DCP2: variants seen among roughly 807,000 people sequenced by gnomAD.
The protein encoded by DCP2 is m7GpppN-mRNA hydrolase.
In DCP2, 30 loss-of-function variants were observed where a neutral mutation model predicts 56.1. That is an observed-to-expected ratio of 0.53 (90% CI 0.40 to 0.73). The LOEUF is 0.73. Ranked by LOEUF, DCP2 falls within the 30% of genes least tolerant of loss-of-function variation. The probability of loss-of-function intolerance (pLI) is 0.00; values close to 1 mark genes in which losing one functional copy is unlikely to be tolerated. For synonymous variants in DCP2, 197 were observed against 163.3 expected (o/e 1.21, Z -1.57); for missense variants, 533 against 502.7 (o/e 1.06, Z -0.58).
chr5:113,001,519 T>C (rs1749178386), intron 6 of DCP2, 48 bp from the exon 7 acceptor site: 1 of 1,607,776 alleles, frequency 6.2e-7, no homozygotes, highest in African/African-American at 1.3e-5. Flanking sequence ...GATAGTCATC[T>C]TCTGTCTGTA....
intron 2 of DCP2, among the ~76,000 whole-genome samples, chr5:112,989,060 C>G (rs1352719362): frequency 6.6e-6 from 1 of 152,076 alleles, no homozygotes; most frequent in Non-Finnish European, 1.5e-5. Flanking sequence ...TTACTCTGTG[C>G]CAGGCCTTAT....
At position 113,016,314 on chromosome 5, in the gene DCP2, T is replaced by C. The variant is rs889648261; in HGVS notation, c.*2830T>C. On this transcript the variant is annotated 3_prime_UTR_variant, in exon 11 of 11. Transcript: ENST00000389063. ...AGGCCTGAGAACCTAATAGAACTCATATAGTGTGAGTGAAATTTGATTAAA... is the reference window on the plus strand; with the variant it reads ...AGGCCTGAGAACCTAATAGAACTCACATAGTGTGAGTGAAATTTGATTAAA... 2 of 152,630 alleles carry C rather than the reference T, an allele frequency of 1.3e-5. No homozygotes were observed. Among genetic ancestry groups the C allele is most frequent in the African/African-American group, 2.4e-5 (1 of 41,450 alleles). The allele number at this position is 152,630 out of a possible 1,614,324, so 9.5% of individuals were successfully genotyped here.
chr5:112,988,799 G>A (rs13169743), intron 2 of DCP2, among the ~76,000 whole-genome samples: 148,977 of 152,346 alleles, frequency 0.98, 72,847 homozygotes, highest in East Asian at 1. Context: ...TTAAGGAAAC[G>A]TAACTAAGAT....
chr5:113,015,014 C>A lies in DCP2; in HGVS notation c.*1530C>A, dbSNP rs1239095671. The A allele has an allele frequency of 1.3e-5, 2 of 152,572 alleles. No homozygotes were observed. The allele number at this position is 152,572 out of a possible 1,614,324, so 9.5% of individuals were successfully genotyped here. A position where few individuals can be genotyped will look rare whatever the true frequency, so the allele number is the denominator to read the frequency against. ...ATTCTATTTATTAATGAAAGTGTCA[C>A]CCTTTTGGTGCTAAGCAGGAGAATT... On this transcript the variant is annotated 3_prime_UTR_variant, in exon 11 of 11. Coordinates refer to ENST00000389063, the MANE Select transcript of DCP2 (RefSeq NM_152624.6).
At chr5:112,979,370 C>G (rs1009356708) in intron 1 of DCP2, among the ~76,000 whole-genome samples, 1 of 152,078 alleles carries the variant, frequency 6.6e-6, no homozygotes, top group Non-Finnish European at 1.5e-5. Flanking sequence ...GTTACAGATT[C>G]AAGCTTTTCA....
rs1302718712 is a variant in DCP2, at chr5:113,017,245, A to G, written c.*3761A>G. The G allele has an allele frequency of 1.3e-5, 2 of 152,172 alleles. No individual in the cohort carries two copies. The highest frequency in any genetic ancestry group is 2.9e-5 in the Non-Finnish European group (2 of 68,038). 9.4% of individuals were successfully genotyped at this position (152,172 alleles called of 1,614,324 possible). ...GTAATTTTGACTTGGATTATTTTCTAGCCTGGGGGATGGGGTTCATATGTG... is the reference window on the plus strand; with the variant it reads ...GTAATTTTGACTTGGATTATTTTCTGGCCTGGGGGATGGGGTTCATATGTG... On this transcript the variant is annotated 3_prime_UTR_variant, in exon 11 of 11. Coordinates refer to ENST00000389063, the MANE Select transcript of DCP2 (RefSeq NM_152624.6).
intron 1 of DCP2, chr5:112,984,016 G>A (rs1748131260): frequency 6.6e-6 from 1 of 152,178 alleles, no homozygotes; most frequent in South Asian, 2.1e-4. Flanking sequence ...AGTGAATTAA[G>A]GAGGATGAAA....
chr5:112,994,550 A>G (rs902652447), intron 4 of DCP2, among the ~76,000 whole-genome samples: 1 of 152,128 alleles, frequency 6.6e-6, no homozygotes, highest in Non-Finnish European at 1.5e-5. Flanking sequence ...CTGAACTTCA[A>G]TAGCAGTTAT....
chr5:112,985,650 G>C (rs563703700), intron 1 of DCP2, among the ~76,000 whole-genome samples, 185 bp from the exon 2 acceptor site: 2 of 152,010 alleles, frequency 1.3e-5, no homozygotes, highest in Non-Finnish European at 2.9e-5. Flanking sequence ...AGATACATGT[G>C]GTGTCTCCTC....
chr5:113,007,799 A>C, intron 8 of DCP2, 139 bp from the exon 9 acceptor site: 1 of 638,610 alleles, frequency 1.6e-6, no homozygotes, highest in Non-Finnish European at 2.7e-6. Flanking sequence ...ATACATTGAT[A>C]GGGTGATTAA....
chr5:113,010,766 A>G lies in DCP2; in HGVS notation c.1058A>G (p.Lys353Arg). 1.3e-6 allele frequency: 2 copies of G among 1,591,728 alleles called. No homozygotes were observed. The highest frequency in any genetic ancestry group is 1.2e-5 in the South Asian group (1 of 86,736). The change falls in exon 10 of 11, where the codon AAG becomes AGG. Residue 353 changes from lysine to arginine, a missense_variant. Transcript: ENST00000389063. ...KQQNSLMKCE[K>R]KLHPRKLQDN... ...TTTTTTTTTAAATAGAAGTGTGAAA[A>G]GAAACTTCATCCACGGAAACTTCAG...
intron 9 of DCP2, 177 bp downstream of exon 9, chr5:113,008,219 A>G: frequency 3.9e-6 from 2 of 512,434 alleles, no homozygotes; most frequent in East Asian, 5.8e-5. Context: ...GGCTGCTCTT[A>G]ATTACAAATG....
At chr5:112,999,540 C>G (rs1358483632) in intron 4 of DCP2, among the ~76,000 whole-genome samples, 1 of 151,658 alleles carries the variant, frequency 6.6e-6, no homozygotes. Context: ...GTTGGTCAGG[C>G]TGGTCTCTAA....
chr5:112,989,560 A>G (rs1364205712), intron 2 of DCP2, among the ~76,000 whole-genome samples: 3 of 152,226 alleles, frequency 2.0e-5, no homozygotes, highest in East Asian at 3.8e-4. Context: ...ATGATGCTAC[A>G]GAGTAATTCA....
At chr5:113,000,582 T>G (rs550115177) in intron 4 of DCP2, among the ~76,000 whole-genome samples, 1 of 152,182 alleles carries the variant, frequency 6.6e-6, no homozygotes, top group African/African-American at 2.4e-5. Flanking sequence ...TCAAAAACAT[T>G]ATTAAGCTCT....
chr5:113,010,842 T>C, intron 10 of DCP2, 35 bp downstream of exon 10: 1 of 1,580,272 alleles, frequency 6.3e-7, no homozygotes, highest in Admixed American at 2.0e-5. Flanking sequence ...AATCTCTGCC[T>C]TGTGGGATTT....
intron 2 of DCP2, among the ~76,000 whole-genome samples, chr5:112,988,899 T>TACATACTTTAGGGTTTGGATAACTCA (rs1748437715): frequency 2.0e-5 from 3 of 152,198 alleles, no homozygotes; most frequent in Admixed American, 2.0e-4. Context: ...GGATAACATT[T>TACATACTTTAGGGTTTGGATAACTCA]TGTGTGTGTT....
intron 7 of DCP2, among the ~76,000 whole-genome samples, chr5:113,002,196 G>A (rs777081910): frequency 6.6e-6 from 1 of 152,192 alleles, no homozygotes; most frequent in Admixed American, 6.5e-5. Context: ...GCCAAGGCAG[G>A]TGGATCACCT....
At chr5:112,979,338 G>T (rs1345889872) in intron 1 of DCP2, among the ~76,000 whole-genome samples, 1 of 152,090 alleles carries the variant, frequency 6.6e-6, no homozygotes, top group Non-Finnish European at 1.5e-5. Context: ...TTATAGCTTT[G>T]ATTAATTGAA....
Sources: allele counts gnomAD v4.1 joint callset (sites outside exome capture counted in the v4.1 genomes callset), GRCh38; gene constraint gnomAD v4.1.1; transcripts MANE v1.5; gene names NCBI Gene and HGNC (gene_info 2026-07-23, HGNC 2026-07-21).